PCDH7: variants seen among roughly 807,000 people sequenced by gnomAD.
PCDH7 encodes the protein protocadherin 7.
In PCDH7, 17 loss-of-function variants were observed where a neutral mutation model predicts 58.9. That is an observed-to-expected ratio of 0.29 (90% CI 0.20 to 0.43). The LOEUF (loss-of-function observed/expected upper bound fraction) is 0.43, where lower values mean the gene tolerates loss of function less well. Ranked by LOEUF, PCDH7 falls within the 20% of genes least tolerant of loss-of-function variation. The pLI is 1.00. For synonymous variants in PCDH7, 664 were observed against 616.4 expected (o/e 1.08, Z -1.14); for missense variants, 1,274 against 1,441.0 (o/e 0.88, Z 1.88).
chr4:31,082,890 CGAGG>C (rs1711725006), intron 3 of PCDH7, among the ~76,000 whole-genome samples: 1 of 152,068 alleles, frequency 6.6e-6, no homozygotes, highest in Admixed American at 6.6e-5. Flanking sequence ...GGGCGGATCA[CGAGG>C]TCAGGAGATC....
chr4:30,969,727 A>C (rs1292007990), intron 3 of PCDH7, among the ~76,000 whole-genome samples: 1 of 152,190 alleles, frequency 6.6e-6, no homozygotes, highest in Non-Finnish European at 1.5e-5. Context: ...ATATGACTTT[A>C]AAGTATCTTG....
At chr4:30,807,248 A>G (rs1478947951) in intron 1 of PCDH7, among the ~76,000 whole-genome samples, 1 of 152,246 alleles carries the variant, frequency 6.6e-6, no homozygotes, top group Non-Finnish European at 1.5e-5. Context: ...AATAAGGTTA[A>G]TATATCAGAA....
At chr4:31,112,947 A>C (rs575151041) in intron 3 of PCDH7, among the ~76,000 whole-genome samples, 3 of 152,172 alleles carry the variant, frequency 2.0e-5, no homozygotes, top group East Asian at 3.9e-4. Context: ...TGAACACTAC[A>C]TGAATTTCAG....
intron 1 of PCDH7, among the ~76,000 whole-genome samples, chr4:30,904,133 A>G (rs1387803257): frequency 6.6e-6 from 1 of 152,166 alleles, no homozygotes. Flanking sequence ...ACTCCCCACC[A>G]TAACCAGGAT....
intron 1 of PCDH7, among the ~76,000 whole-genome samples, chr4:30,902,020 C>A (rs895722272): frequency 6.6e-6 from 1 of 152,064 alleles, no homozygotes; most frequent in South Asian, 2.1e-4. Context: ...GTTTCCTCCA[C>A]GGGCATTGGT....
At chr4:30,946,049 G>A (rs549689043) in intron 2 of PCDH7, among the ~76,000 whole-genome samples, 2 of 152,248 alleles carry the variant, frequency 1.3e-5, no homozygotes, top group East Asian at 1.9e-4. Flanking sequence ...ATCTATGGTT[G>A]CAGAAGCCCT....
chr4:31,053,410 G>C (rs879789589), intron 3 of PCDH7, among the ~76,000 whole-genome samples: 3 of 151,872 alleles, frequency 2.0e-5, no homozygotes, highest in Non-Finnish European at 2.9e-5. Context: ...CTTCCATCGA[G>C]GCCACTAACT....
At chr4:31,102,923 G>A (rs925187298) in intron 3 of PCDH7, among the ~76,000 whole-genome samples, 2 of 152,090 alleles carry the variant, frequency 1.3e-5, no homozygotes, top group Non-Finnish European at 2.9e-5. Flanking sequence ...TTCATTATGT[G>A]TCATAGAACT....
intron 3 of PCDH7, among the ~76,000 whole-genome samples, chr4:31,110,928 A>T (rs989277708): frequency 1.3e-5 from 2 of 152,020 alleles, no homozygotes; most frequent in Non-Finnish European, 2.9e-5. Flanking sequence ...AAAAAAAAAA[A>T]AATTGAACAC....
intron 1 of PCDH7, among the ~76,000 whole-genome samples, chr4:30,829,517 A>C (rs1196396661): frequency 6.6e-6 from 1 of 151,960 alleles, no homozygotes; most frequent in Non-Finnish European, 1.5e-5. Context: ...TTTAGAAGCA[A>C]AGTGTTGGTA....
At chr4:30,978,615 AG>A (rs1251912097) in intron 3 of PCDH7, among the ~76,000 whole-genome samples, 1 of 152,190 alleles carries the variant, frequency 6.6e-6, no homozygotes, top group Admixed American at 6.5e-5. Context: ...ATAATTTGCA[AG>A]AAAAAAATAT....
At chr4:31,037,075 G>A (rs1045414719) in intron 3 of PCDH7, among the ~76,000 whole-genome samples, 7 of 152,124 alleles carry the variant, frequency 4.6e-5, no homozygotes, top group African/African-American at 1.7e-4. Context: ...GATGAGATTT[G>A]GGTGGGAACA....
intron 1 of PCDH7, among the ~76,000 whole-genome samples, chr4:30,856,129 A>T (rs1329001832): frequency 1.3e-5 from 2 of 152,100 alleles, no homozygotes; most frequent in Non-Finnish European, 2.9e-5. Context: ...TCTCACCCTT[A>T]CACCTAAATT....
chr4:31,019,243 T>C lies in PCDH7; in HGVS notation c.*7+69028T>C, dbSNP rs571992477. ...ATTATGATATATTTATAAAATTAAA[T>C]ATATAGTCTTAAAATGATTTGCTAG... On this transcript the variant is annotated intron_variant, in intron 3 of 3. Coordinates refer to the PCDH7 transcript ENST00000509759. 8.5e-5 allele frequency among the ~76,000 whole-genome samples: 13 copies of C among 152,236 alleles called. No individual in the cohort carries two copies. The South Asian group carries it at 2.7e-3, about 32-fold the overall frequency.
In PCDH7 at chr4:30,748,675, G is replaced by A. The variant is rs535386109; in HGVS notation, c.70+24079G>A. Among the ~76,000 whole-genome samples, 15 of 152,224 alleles carry A rather than the reference G, an allele frequency of 9.9e-5. 1 individual carries two copies. Among genetic ancestry groups the A allele is most frequent in the Admixed American group, 3.9e-4 (6 of 15,292 alleles). ...GTTTTTGATATACGAATTTTGGGGCGACACATTCAAACCATAGCAGTACCA... is the reference window on the plus strand; with the variant it reads ...GTTTTTGATATACGAATTTTGGGGCAACACATTCAAACCATAGCAGTACCA... On this transcript the variant is annotated intron_variant, in intron 1 of 3. Coordinates refer to the PCDH7 transcript ENST00000509759.
chr4:30,939,508 G>T (rs1745768777), intron 2 of PCDH7, among the ~76,000 whole-genome samples: 1 of 152,094 alleles, frequency 6.6e-6, no homozygotes, highest in African/African-American at 2.4e-5. Context: ...AGAGCTAAGG[G>T]TTTTACGTTG....
At chr4:30,753,309 A>G (rs1236026760) in intron 1 of PCDH7, among the ~76,000 whole-genome samples, 1 of 152,200 alleles carries the variant, frequency 6.6e-6, no homozygotes, top group African/African-American at 2.4e-5. Flanking sequence ...TCTGTTCTTG[A>G]TAAGGAACCA....
intron 1 of PCDH7, among the ~76,000 whole-genome samples, chr4:30,763,869 C>G (rs1720357909): frequency 6.6e-6 from 1 of 152,004 alleles, no homozygotes; most frequent in Non-Finnish European, 1.5e-5. Context: ...CACTGTGTAA[C>G]CTTTACTATT....
chr4:30,769,426 G>T (rs1721126882), intron 1 of PCDH7, among the ~76,000 whole-genome samples: 1 of 152,166 alleles, frequency 6.6e-6, no homozygotes, highest in South Asian at 2.1e-4. Flanking sequence ...TGCTTGCCTG[G>T]CATGCATATA....
Sources: allele counts gnomAD v4.1 joint callset (sites outside exome capture counted in the v4.1 genomes callset), GRCh38; gene constraint gnomAD v4.1.1; transcripts MANE v1.5; gene names NCBI Gene and HGNC (gene_info 2026-07-23, HGNC 2026-07-21).